ITGB3BP: variants seen among roughly 807,000 people sequenced by gnomAD.
ITGB3BP encodes integrin subunit beta 3 binding protein, also known as centromere protein R.
In ITGB3BP, 27 loss-of-function variants were observed where a neutral mutation model predicts 29.1. The ratio of observed to expected loss-of-function variants is 0.93; its 90% confidence interval spans 0.68 to 1.28. ITGB3BP has a LOEUF of 1.28. Ranked by LOEUF, ITGB3BP falls within the 50% of genes most tolerant of loss-of-function variation. The pLI is 0.00. For missense variants in ITGB3BP, 192 were observed against 200.2 expected (o/e 0.96, Z 0.25); for synonymous variants, 61 against 61.4 (o/e 0.99, Z 0.03).
intron 2 of ITGB3BP, among the ~76,000 whole-genome samples, chr1:63,502,981 C>T (rs1230210018): frequency 6.6e-6 from 1 of 152,134 alleles, no homozygotes; most frequent in African/African-American, 2.4e-5. Context: ...CATACGTGTG[C>T]ATGTGTCTTT....
chr1:63,523,505 T>C (rs1034430048), upstream of ITGB3BP: 1 of 300,938 alleles, frequency 3.3e-6, no homozygotes, highest in African/African-American at 2.2e-5. Context: ...TGCATCTTAT[T>C]TCCGGTGGCG....
chr1:63,455,694 A>G (rs1644924400), intron 4 of ITGB3BP, among the ~76,000 whole-genome samples: 1 of 152,160 alleles, frequency 6.6e-6, no homozygotes, highest in African/African-American at 2.4e-5. Flanking sequence ...TAGTAAACAT[A>G]CTAAAAATGA....
intron 8 of ITGB3BP, chr1:63,442,396 C>T (rs1215848812): frequency 1.3e-5 from 2 of 152,132 alleles, no homozygotes; most frequent in African/African-American, 4.8e-5. Context: ...TATTATAATA[C>T]TTCCTAATTT....
chr1:63,488,733 T>C (rs1291192411), intron 3 of ITGB3BP, among the ~76,000 whole-genome samples: 1 of 152,042 alleles, frequency 6.6e-6, no homozygotes, highest in Non-Finnish European at 1.5e-5. Context: ...ATATGAAACA[T>C]GTATGTGCAG....
At chr1:63,489,781 T>C (rs1419746778) in intron 3 of ITGB3BP, among the ~76,000 whole-genome samples, 1 of 152,082 alleles carries the variant, frequency 6.6e-6, no homozygotes, top group African/African-American at 2.4e-5. Flanking sequence ...ATGCACATGA[T>C]GGATAGCTTG....
chr1:63,463,101 C>T (rs1645042762), intron 4 of ITGB3BP, among the ~76,000 whole-genome samples: 1 of 151,696 alleles, frequency 6.6e-6, no homozygotes, highest in African/African-American at 2.4e-5. Context: ...TAAAAACTAG[C>T]CAGGCATGGT....
At chr1:63,526,957 GT>G (rs1646602485), upstream of ITGB3BP, among the ~76,000 whole-genome samples, 1 of 152,126 alleles carries the variant, frequency 6.6e-6, no homozygotes, top group African/African-American at 2.4e-5. Flanking sequence ...TAGAGACGGG[GT>G]TTTGCCATGT....
At chr1:63,523,057 C>T (rs1360316886) in intron 1 of ITGB3BP, 72 bp downstream of exon 1, 1 of 1,566,404 alleles carries the variant, frequency 6.4e-7, no homozygotes, top group Non-Finnish European at 8.8e-7. Flanking sequence ...AGAAAGGCTA[C>T]TGGGCCACAT....
At chr1:63,451,536 G>C (rs950111819) in intron 7 of ITGB3BP, among the ~76,000 whole-genome samples, 7 of 143,344 alleles carry the variant, frequency 4.9e-5, no homozygotes, top group Non-Finnish European at 9.2e-5. Flanking sequence ...AAATGAATAT[G>C]AGCAGAAAAG....
chr1:63,520,437 A>G (rs1422489701), intron 1 of ITGB3BP, among the ~76,000 whole-genome samples: 4 of 152,196 alleles, frequency 2.6e-5, no homozygotes, highest in African/African-American at 9.6e-5. Context: ...CAGAAAGAGG[A>G]GCAAGATTGG....
At chr1:63,474,377 GA>G (rs1645289881) in intron 4 of ITGB3BP, among the ~76,000 whole-genome samples, 3 of 133,806 alleles carry the variant, frequency 2.2e-5, no homozygotes, top group African/African-American at 8.0e-5. Context: ...GCCCGGCCAC[GA>G]CCCCGTCTGG....
At chr1:63,476,337 T>A (rs1008203090) in intron 4 of ITGB3BP, among the ~76,000 whole-genome samples, 4 of 152,084 alleles carry the variant, frequency 2.6e-5, no homozygotes, top group African/African-American at 9.7e-5. Context: ...CTAATTTTTG[T>A]ATTTTTAGTA....
intron 4 of ITGB3BP, among the ~76,000 whole-genome samples, chr1:63,463,996 G>A (rs1645062352): frequency 6.6e-6 from 1 of 152,040 alleles, no homozygotes; most frequent in Admixed American, 6.6e-5. Flanking sequence ...TAATTTTATG[G>A]AAATAAACAT....
chr1:63,441,167 T>G (rs1045369693), intron 8 of ITGB3BP, 64 bp from the exon 9 acceptor site: 2 of 152,248 alleles, frequency 1.3e-5, no homozygotes, highest in African/African-American at 2.4e-5. Flanking sequence ...ATACATGACT[T>G]AAGAAGTGAT....
intron 4 of ITGB3BP, among the ~76,000 whole-genome samples, chr1:63,468,113 A>AC: frequency 6.6e-6 from 1 of 152,172 alleles, no homozygotes; most frequent in Non-Finnish European, 1.5e-5. Context: ...TTCATCTATT[A>AC]ATACATAGTA....
chr1:63,476,327 C>A (rs555092856), intron 4 of ITGB3BP, among the ~76,000 whole-genome samples: 3 of 151,964 alleles, frequency 2.0e-5, no homozygotes, highest in African/African-American at 4.8e-5. Context: ...CCATGCCCAG[C>A]TAATTTTTGT....
At chr1:63,471,302 A>G (rs1645193071) in intron 4 of ITGB3BP, among the ~76,000 whole-genome samples, 1 of 133,720 alleles carries the variant, frequency 7.5e-6, no homozygotes, top group African/African-American at 2.9e-5. Context: ...TCGCTCTGTC[A>G]CCCAGGCTGG....
At chr1:63,500,896 G>A (rs922654448) in intron 2 of ITGB3BP, among the ~76,000 whole-genome samples, 8 of 152,068 alleles carry the variant, frequency 5.3e-5, no homozygotes, top group Admixed American at 3.9e-4. Context: ...CAATCAAAAC[G>A]TTTTTTAATC....
chr1:63,458,770 T>C (rs937439874), intron 4 of ITGB3BP, among the ~76,000 whole-genome samples: 5 of 152,178 alleles, frequency 3.3e-5, no homozygotes, highest in African/African-American at 7.2e-5. Flanking sequence ...TGTTAACTAA[T>C]AAAGTGCCTG....
Sources: allele counts gnomAD v4.1 joint callset (sites outside exome capture counted in the v4.1 genomes callset), GRCh38; gene constraint gnomAD v4.1.1; transcripts MANE v1.5; gene names NCBI Gene and HGNC (gene_info 2026-07-23, HGNC 2026-07-21).